Variants in LARGE1 observed in about 807,000 individuals in gnomAD.
The protein encoded by LARGE1 is xylosyl- and glucuronyltransferase LARGE1.
In LARGE1, 43 loss-of-function variants were observed where a neutral mutation model predicts 87.6. The ratio of observed to expected loss-of-function variants is 0.49; its 90% confidence interval spans 0.38 to 0.63. LARGE1 has a LOEUF of 0.63. Among genes scored for constraint, LARGE1 ranks in the 30% least tolerant of loss-of-function variants. The probability of loss-of-function intolerance (pLI) is 0.00; values close to 1 mark genes in which losing one functional copy is unlikely to be tolerated. For synonymous variants in LARGE1, 434 were observed against 394.6 expected, an observed-to-expected ratio of 1.10 and a Z score of -1.18; for missense variants, 802 against 1,000.2, an observed-to-expected ratio of 0.80 and a Z score of 2.67.
At chr22:33,721,026 A>G (rs1015254321) in intron 2 of LARGE1, among the ~76,000 whole-genome samples, 26 of 152,256 alleles carry the variant, frequency 1.7e-4, no homozygotes, top group African/African-American at 5.8e-4. Context: ...TATTCAGAGC[A>G]TGAAAGTAAA....
the LARGE1 span, chr22:33,106,011 A>T: frequency 6.6e-6 from 1 of 152,236 alleles, no homozygotes. Flanking sequence ...GCAAGATTAA[A>T]ATGTAAGCCA....
At chr22:33,549,486 G>A (rs1018060037) in intron 6 of LARGE1, among the ~76,000 whole-genome samples, 2 of 152,108 alleles carry the variant, frequency 1.3e-5, no homozygotes, top group African/African-American at 4.8e-5. Flanking sequence ...TTTTGAGTCT[G>A]GTTAATTCGA....
Position 33,273,888 on chromosome 22 carries a change from T to A in LARGE1, c.*539A>T. The A allele has an allele frequency of 2.7e-6, 1 of 371,260 alleles. No individual in the cohort carries two copies. Among genetic ancestry groups the A allele is most frequent in the Non-Finnish European group, 4.8e-6 (1 of 208,550 alleles). 23.0% of individuals were successfully genotyped at this position (371,260 alleles called of 1,614,324 possible). A position where few individuals can be genotyped will look rare whatever the true frequency, so the allele number is the denominator to read the frequency against. On this transcript the variant is annotated 3_prime_UTR_variant, in exon 15 of 15. Transcript: ENST00000397394. ...CACCTCCAGGACCCTCTGGTTACAA[T>A]GTCCCCATTGGGTTTTTCCAAGTGG...
chr22:33,361,557 G>C (rs1425341080), intron 9 of LARGE1, among the ~76,000 whole-genome samples: 2 of 149,618 alleles, frequency 1.3e-5, no homozygotes, highest in Non-Finnish European at 1.5e-5. Flanking sequence ...ACTGTGGAGA[G>C]GGGCAGCAAG....
At chr22:33,806,953 C>T (rs1340668267) in intron 1 of LARGE1, among the ~76,000 whole-genome samples, 3 of 151,918 alleles carry the variant, frequency 2.0e-5, no homozygotes, top group Admixed American at 6.6e-5. Flanking sequence ...GAGGTTGCAG[C>T]GAGCTGAGAT....
At chr22:33,140,893 C>A in the LARGE1 span, among the ~76,000 whole-genome samples, 1 of 152,066 alleles carries the variant, frequency 6.6e-6, no homozygotes, top group East Asian at 1.9e-4. Flanking sequence ...ATACATCTAC[C>A]CTATTAGTCC....
intron 6 of LARGE1, among the ~76,000 whole-genome samples, chr22:33,551,867 G>T (rs745508151): frequency 3.3e-5 from 5 of 151,910 alleles, no homozygotes; most frequent in Admixed American, 2.6e-4. Context: ...GATGATGGGC[G>T]CCTGTAGTCC....
chr22:33,915,415 T>C (rs1425274876), intron 1 of LARGE1, among the ~76,000 whole-genome samples: 1 of 152,198 alleles, frequency 6.6e-6, no homozygotes, highest in Non-Finnish European at 1.5e-5. Context: ...AAATGGAATT[T>C]GTTCTCACCT....
chr22:33,339,835 T>C (rs1269913664), intron 9 of LARGE1, among the ~76,000 whole-genome samples: 1 of 151,928 alleles, frequency 6.6e-6, no homozygotes, highest in East Asian at 1.9e-4. Context: ...CACAGCTAAG[T>C]TTTTGTATTT....
the LARGE1 span, among the ~76,000 whole-genome samples, chr22:33,096,298 C>A: frequency 1.3e-5 from 2 of 151,720 alleles, no homozygotes; most frequent in Non-Finnish European, 2.9e-5. Context: ...TGCCTGTAAT[C>A]CCAGCTACTC....
intron 6 of LARGE1, among the ~76,000 whole-genome samples, chr22:33,475,651 C>A (rs1372677781): frequency 6.6e-6 from 1 of 151,680 alleles, no homozygotes; most frequent in African/African-American, 2.4e-5. Context: ...TTAGTAGAGA[C>A]GGGGTTTCTC....
intron 6 of LARGE1, among the ~76,000 whole-genome samples, chr22:33,448,005 G>C (rs1391821075): frequency 6.6e-6 from 1 of 152,078 alleles, no homozygotes; most frequent in African/African-American, 2.4e-5. Flanking sequence ...GCATGACTAA[G>C]TCAGTATATA....
chr22:33,474,572 T>A (rs890099673), intron 6 of LARGE1, among the ~76,000 whole-genome samples: 5 of 152,214 alleles, frequency 3.3e-5, no homozygotes, highest in Admixed American at 2.6e-4. Flanking sequence ...ATATTGACAC[T>A]GCCTGCCTTC....
chr22:33,530,798 G>T (rs1321518488), intron 6 of LARGE1, among the ~76,000 whole-genome samples: 1 of 152,188 alleles, frequency 6.6e-6, no homozygotes, highest in Non-Finnish European at 1.5e-5. Flanking sequence ...TCAAATTTGA[G>T]AAATAGCAGC....
At chr22:33,183,653 C>CAG (rs3071469) in intron 11 of LARGE1, among the ~76,000 whole-genome samples, 51 of 149,978 alleles carry the variant, frequency 3.4e-4, no homozygotes, top group Admixed American at 4.7e-4. Context: ...CACACACACA[C>CAG]AGTATTTAGC....
At chr22:33,437,980 C>T (rs1016136684) in intron 6 of LARGE1, among the ~76,000 whole-genome samples, 1 of 152,094 alleles carries the variant, frequency 6.6e-6, no homozygotes, top group Non-Finnish European at 1.5e-5. Flanking sequence ...TACCACATCC[C>T]TTCCAGCACT....
At chr22:33,368,437 G>A (rs1357000931) in intron 9 of LARGE1, among the ~76,000 whole-genome samples, 1 of 151,666 alleles carries the variant, frequency 6.6e-6, no homozygotes, top group East Asian at 1.9e-4. Context: ...GCGAGGCTGA[G>A]GCAGGAGAAT....
chr22:33,153,274 C>A, the LARGE1 span, among the ~76,000 whole-genome samples: 4 of 152,236 alleles, frequency 2.6e-5, no homozygotes, highest in East Asian at 7.7e-4. Context: ...GTGATCCTCC[C>A]ACCTCAGGCT....
chr22:33,515,118 TA>T (rs57550411), intron 6 of LARGE1, among the ~76,000 whole-genome samples: 591 of 134,052 alleles, frequency 4.4e-3, no homozygotes, highest in Admixed American at 4.8e-3. Flanking sequence ...CAGGTGTAGC[TA>T]AAAAAAAAAA....
Sources: allele counts gnomAD v4.1 joint callset (sites outside exome capture counted in the v4.1 genomes callset), GRCh38; gene constraint gnomAD v4.1.1; transcripts MANE v1.5; gene names NCBI Gene and HGNC (gene_info 2026-07-23, HGNC 2026-07-21).